Variants in ZFYVE1 observed in about 807,000 individuals in gnomAD.
The protein encoded by ZFYVE1 is zinc finger FYVE domain-containing protein 1.
ZFYVE1 carries 30 observed loss-of-function variants against 74.4 expected under a neutral mutation model. The ratio of observed to expected loss-of-function variants is 0.40; its 90% CI spans 0.30 to 0.55. ZFYVE1 has a LOEUF of 0.55. Ranked by LOEUF, ZFYVE1 falls within the 20% of genes least tolerant of loss-of-function variation. The probability of loss-of-function intolerance (pLI) is 0.42; values close to 1 mark genes in which losing one functional copy is unlikely to be tolerated. For missense variants in ZFYVE1, 703 were observed against 1,011.6 expected, an observed-to-expected ratio of 0.69 and a Z score of 4.14; for synonymous variants, 335 against 385.1, an observed-to-expected ratio of 0.87 and a Z score of 1.52.
intron 2 of ZFYVE1, among the ~76,000 whole-genome samples, chr14:73,007,588 TG>T (rs1183861001): frequency 6.6e-6 from 1 of 152,130 alleles, no homozygotes; most frequent in African/African-American, 2.4e-5. Flanking sequence ...TTGCCCAGGC[TG>T]GTCTTGAACT....
intron 4 of ZFYVE1, among the ~76,000 whole-genome samples, chr14:72,985,041 C>T (rs893095505): frequency 6.6e-6 from 1 of 152,206 alleles, no homozygotes; most frequent in Non-Finnish European, 1.5e-5. Flanking sequence ...CATCCCATCC[C>T]CAGAGGTCCT....
At chr14:73,007,743 T>C (rs1894009049) in intron 2 of ZFYVE1, among the ~76,000 whole-genome samples, 1 of 152,222 alleles carries the variant, frequency 6.6e-6, no homozygotes, top group African/African-American at 2.4e-5. Flanking sequence ...CAGTCTATTT[T>C]AAAGTCCAAA....
At chr14:73,026,133 G>GA (rs1309344308) in intron 1 of ZFYVE1, among the ~76,000 whole-genome samples, 5,106 of 95,604 alleles carry the variant, frequency 0.053, 210 homozygotes, top group African/African-American at 0.15. Flanking sequence ...TTCACTAACT[G>GA]AAAAAAAAAA....
chr14:72,991,115 C>G (rs1893600324), intron 4 of ZFYVE1, among the ~76,000 whole-genome samples: 1 of 151,320 alleles, frequency 6.6e-6, no homozygotes, highest in African/African-American at 2.4e-5. Flanking sequence ...GTAGGACATC[C>G]AAGACTTCTG....
chr14:73,004,473 T>TATAC (rs1054022025), intron 2 of ZFYVE1, among the ~76,000 whole-genome samples: 1 of 151,988 alleles, frequency 6.6e-6, no homozygotes, highest in African/African-American at 2.4e-5. Context: ...TATATATATA[T>TATAC]ATAACTCATA....
intron 2 of ZFYVE1, among the ~76,000 whole-genome samples, chr14:73,023,802 C>T (rs908831407): frequency 3.3e-5 from 5 of 152,096 alleles, no homozygotes; most frequent in African/African-American, 9.7e-5. Context: ...TAGGCTGTCC[C>T]CCATTTTATA....
chr14:73,023,892 A>T lies in ZFYVE1; in HGVS notation c.483+134T>A, dbSNP rs1314721410. The stretch of plus-strand genomic sequence containing the variant: ...CTGGTAACTAAATCTGACTCCATGC[A>T]ACTAAAGCCTCCAGAGGTCTTGCCT... On this transcript the variant is annotated intron_variant, in intron 2 of 11. Transcript: ENST00000556143. 1.4e-5 allele frequency: 18 copies of T among 1,280,580 alleles called. No individual in the cohort carries two copies. In the East Asian group the frequency reaches 4.2e-4, roughly 30 times the overall value. The allele number at this position is 1,280,580 out of a possible 1,614,324, so 79.3% of individuals were successfully genotyped here.
intron 3 of ZFYVE1, among the ~76,000 whole-genome samples, chr14:72,994,737 A>C (rs1442247046): frequency 6.6e-6 from 1 of 152,208 alleles, no homozygotes; most frequent in Non-Finnish European, 1.5e-5. Flanking sequence ...AGACTTAGCA[A>C]CATATATATG....
At chr14:73,021,355 A>AAATG (rs890808071) in intron 2 of ZFYVE1, among the ~76,000 whole-genome samples, 3 of 1,232 alleles carry the variant, frequency 2.4e-3, no homozygotes, top group African/African-American at 2.9e-3. Context: ...CTCAAAATAA[A>AAATG]AATAAATAAA....
chr14:72,998,545 A>AAAAAGAAAAG (rs372780063), intron 2 of ZFYVE1, among the ~76,000 whole-genome samples: 2 of 152,048 alleles, frequency 1.3e-5, no homozygotes, highest in Admixed American at 1.3e-4. Context: ...CTATAAAAAG[A>AAAAAGAAAAG]AAAAGAAAAG....
chr14:72,979,217 C>T, intron 5 of ZFYVE1: 1 of 427,198 alleles, frequency 2.3e-6, no homozygotes, highest in South Asian at 2.5e-5. Flanking sequence ...AAAGAAATCT[C>T]AGCCGGGCAC....
In ZFYVE1 at chr14:72,975,720, G is replaced by T. The variant is rs538270310; in HGVS notation, c.1637C>A (p.Thr546Asn). Residue 546 changes from threonine (T) to asparagine (N), a missense_variant and splice_region_variant, in exon 9 of 12, where the codon ACT (threonine) becomes AAT (asparagine). Physicochemically the swap from Thr to Asn is moderately conservative, Grantham distance 65. Coordinates refer to ENST00000556143, the MANE Select transcript of ZFYVE1 (RefSeq NM_021260.4). This position sits in a 1 kb window ranked among gnomAD's most constrained non-coding sequence, Gnocchi z 4.1. The stretch of plus-strand genomic sequence containing the variant: ...GTTGTTGTCCTTCAGAAACCCATCA[G>T]TCTGAAATGAAAACGCAGGCTTCCA... Reference protein sequence around the residue: ...RTEIVHVWPGTDGFLKDNNNA... With the variant: ...RTEIVHVWPGNDGFLKDNNNA... 1 of 1,613,582 alleles carries T rather than the reference G, an allele frequency of 6.2e-7. No individual in the cohort carries two copies. Among genetic ancestry groups the T allele is most frequent in the East Asian group, 2.2e-5 (1 of 44,878 alleles).
intron 2 of ZFYVE1, among the ~76,000 whole-genome samples, chr14:73,018,765 A>T (rs2140388415): frequency 6.6e-6 from 1 of 152,218 alleles, no homozygotes; most frequent in Non-Finnish European, 1.5e-5. Flanking sequence ...AACATGGGGA[A>T]ACCCCATCTC....
intron 3 of ZFYVE1, among the ~76,000 whole-genome samples, chr14:72,994,040 C>T (rs1488825541): frequency 2.3e-5 from 3 of 132,478 alleles, no homozygotes; most frequent in South Asian, 4.7e-4. Flanking sequence ...AAGTAAGATA[C>T]GGGAGGGTGC....
intron 4 of ZFYVE1, among the ~76,000 whole-genome samples, chr14:72,987,551 G>A (rs1050942097): frequency 7.9e-5 from 12 of 151,798 alleles, no homozygotes; most frequent in African/African-American, 2.9e-4. Flanking sequence ...GCCAGACCCT[G>A]TCTTAAAAAA....
At chr14:72,994,737 A>T (rs1442247046) in intron 3 of ZFYVE1, among the ~76,000 whole-genome samples, 1 of 152,208 alleles carries the variant, frequency 6.6e-6, no homozygotes, top group Non-Finnish European at 1.5e-5. Context: ...AGACTTAGCA[A>T]CATATATATG....
At chr14:72,974,692 G>T in intron 10 of ZFYVE1, 87 bp downstream of exon 10, 1 of 1,477,752 alleles carries the variant, frequency 6.8e-7, no homozygotes. Context: ...ATGTGGATTA[G>T]GGCATCTGGA....
chr14:73,018,675 G>T (rs933223261), intron 2 of ZFYVE1, among the ~76,000 whole-genome samples: 1 of 152,104 alleles, frequency 6.6e-6, no homozygotes, highest in Non-Finnish European at 1.5e-5. Context: ...TGGGCGCAGT[G>T]GCTCATGCCT....
intron 11 of ZFYVE1, among the ~76,000 whole-genome samples, chr14:72,971,797 T>G (rs1893041210): frequency 6.6e-6 from 1 of 152,164 alleles, no homozygotes; most frequent in African/African-American, 2.4e-5. Context: ...TATGAAGCCC[T>G]CCTTGTAAAC....
Sources: allele counts gnomAD v4.1 joint callset (sites outside exome capture counted in the v4.1 genomes callset), GRCh38; gene constraint gnomAD v4.1.1; non-coding constraint Gnocchi (gnomAD v3.1); transcripts MANE v1.5; gene names NCBI Gene and HGNC (gene_info 2026-07-23, HGNC 2026-07-21).